The following ALK variants were observed in gnomAD, a reference collection of about 807,000 sequenced individuals.
ALK encodes the protein ALK receptor tyrosine kinase.
A neutral mutation model predicts 163.1 loss-of-function variants in ALK; 74 were observed. That is an observed-to-expected ratio of 0.45 (90% confidence interval 0.38 to 0.55). The LOEUF is 0.55. ALK is among the 20% of genes least tolerant of loss of function. ALK has a pLI of 0.00. For missense variants in ALK, 2,063 were observed against 2,105.3 expected, an observed-to-expected ratio of 0.98 and a Z score of 0.39; for synonymous variants, 960 against 843.2, an observed-to-expected ratio of 1.14 and a Z score of -2.40.
intron 1 of ALK, among the ~76,000 whole-genome samples, chr2:29,732,406 A>G (rs1021961131): frequency 2.0e-5 from 3 of 152,216 alleles, no homozygotes; most frequent in Admixed American, 6.5e-5. Flanking sequence ...CTATTGTCAC[A>G]AACTCCAGAA....
At chr2:29,666,851 C>A (rs1573539471) in intron 3 of ALK, among the ~76,000 whole-genome samples, 2 of 151,978 alleles carry the variant, frequency 1.3e-5, no homozygotes, top group East Asian at 3.9e-4. Context: ...CTTCTCCTAC[C>A]TTTCCCAGCC....
At chr2:29,747,978 A>G (rs895386965) in intron 1 of ALK, among the ~76,000 whole-genome samples, 3 of 152,220 alleles carry the variant, frequency 2.0e-5, no homozygotes, top group Admixed American at 6.5e-5. Flanking sequence ...CGAAAGAATG[A>G]GTCATGTGAA....
At chr2:29,642,085 A>G (rs1676719593) in intron 3 of ALK, among the ~76,000 whole-genome samples, 1 of 152,194 alleles carries the variant, frequency 6.6e-6, no homozygotes, top group Admixed American at 6.5e-5. Context: ...AGTCTAGGAC[A>G]CTGCTTTGCA....
intron 1 of ALK, among the ~76,000 whole-genome samples, chr2:29,855,686 TC>T (rs1666120563): frequency 6.6e-6 from 1 of 152,210 alleles, no homozygotes; most frequent in African/African-American, 2.4e-5. Flanking sequence ...ATGTCCCGGT[TC>T]TTGTGTTAGA....
At chr2:29,405,259 T>C (rs1405266954) in intron 4 of ALK, among the ~76,000 whole-genome samples, 1 of 152,114 alleles carries the variant, frequency 6.6e-6, no homozygotes, top group Non-Finnish European at 1.5e-5. Context: ...GAAGGGGTCA[T>C]TTGAACCTTT....
intron 9 of ALK, among the ~76,000 whole-genome samples, chr2:29,290,784 G>A (rs1360250449): frequency 6.6e-6 from 1 of 152,190 alleles, no homozygotes; most frequent in Non-Finnish European, 1.5e-5. Flanking sequence ...TGCTGGGGAG[G>A]AAACACATGG....
At chr2:29,388,855 A>G (rs1455106399) in intron 4 of ALK, among the ~76,000 whole-genome samples, 2 of 152,234 alleles carry the variant, frequency 1.3e-5, no homozygotes, top group Admixed American at 1.3e-4. Flanking sequence ...AAACTTGGTT[A>G]AATGCATCTT....
chr2:29,298,817 C>T (rs1028419872), intron 8 of ALK, among the ~76,000 whole-genome samples: 4 of 152,216 alleles, frequency 2.6e-5, no homozygotes, highest in Middle Eastern at 3.2e-3. Flanking sequence ...GCATCCTTCA[C>T]TGTCTTCCAC....
In ALK at chr2:29,812,398, G is replaced by A. The variant is rs866575961; in HGVS notation, c.668-94701C>T. Among the ~76,000 whole-genome samples, 4 of 152,192 alleles carry A rather than the reference G, an allele frequency of 2.6e-5. 1 individual carries two copies. Among genetic ancestry groups the A allele is most frequent in the South Asian group, 4.2e-4 (2 of 4,802 alleles). On this transcript the variant is annotated intron_variant, in intron 1 of 28. Coordinates refer to ENST00000389048, the MANE Select transcript of ALK (RefSeq NM_004304.5). The stretch of plus-strand genomic sequence containing the variant: ...TACCAACAAAAACTCACTCCATGGA[G>A]TCAGAAAGAGTTGTGTACAATTAGG...
At chr2:29,635,706 G>C (rs1017759678) in intron 3 of ALK, among the ~76,000 whole-genome samples, 1 of 151,816 alleles carries the variant, frequency 6.6e-6, no homozygotes, top group African/African-American at 2.4e-5. Context: ...AGGTTCAAGT[G>C]ATTCTCATGC....
chr2:29,715,791 T>C (rs1393070719), intron 2 of ALK, among the ~76,000 whole-genome samples: 1 of 152,244 alleles, frequency 6.6e-6, no homozygotes, highest in Non-Finnish European at 1.5e-5. Flanking sequence ...TATTTATAGA[T>C]ACTTGCCCTT....
intron 3 of ALK, among the ~76,000 whole-genome samples, chr2:29,668,057 T>C (rs1012943243): frequency 6.6e-6 from 1 of 152,136 alleles, no homozygotes; most frequent in African/African-American, 2.4e-5. Context: ...CTTTCAGATT[T>C]GCCAATTTGC....
Position 29,193,460 on chromosome 2 carries a change from G to T in ALK, c.4627C>A (p.Pro1543Thr), listed in dbSNP as rs771622065. The part of the protein sequence containing the change: ...LGLEGSCTVP[P>T]NVATGRLPGA... The stretch of plus-strand genomic sequence containing the variant: ...GGAAGTCTCCCAGTTGCAACGTTAG[G>T]TGGGACAGTACAGCTTCCCTCCAGC... Residue 1543 changes from proline (P) to threonine (T), a missense_variant, in exon 29 of 29, where the codon CCT (proline) becomes ACT (threonine). Pro to Thr is a conservative substitution (Grantham distance 38, BLOSUM62 -1). Transcript: ENST00000389048. 1 of 1,614,166 alleles carries T rather than the reference G, an allele frequency of 6.2e-7. No homozygotes were observed. The highest frequency in any genetic ancestry group is 8.5e-7 in the Non-Finnish European group (1 of 1,180,028).
chr2:29,396,500 C>T (rs1669306833), intron 4 of ALK, among the ~76,000 whole-genome samples: 1 of 152,068 alleles, frequency 6.6e-6, no homozygotes, highest in Non-Finnish European at 1.5e-5. Context: ...ATGGTGAAAC[C>T]CTGTCTCTAC....
intron 1 of ALK, among the ~76,000 whole-genome samples, chr2:29,768,402 A>G (rs1247918245): frequency 6.6e-6 from 1 of 152,248 alleles, no homozygotes; most frequent in Non-Finnish European, 1.5e-5. Context: ...CTTTCTTGGT[A>G]TAAAGCAAGA....
At chr2:29,219,498 G>A (rs913801569) in intron 23 of ALK, among the ~76,000 whole-genome samples, 8 of 152,244 alleles carry the variant, frequency 5.3e-5, no homozygotes, top group Middle Eastern at 3.4e-3. Flanking sequence ...TCCTGGGAGC[G>A]GGAGGGTGGC....
intron 5 of ALK, among the ~76,000 whole-genome samples, chr2:29,330,964 A>G (rs1475840138): frequency 1.3e-5 from 2 of 152,200 alleles, no homozygotes; most frequent in Non-Finnish European, 2.9e-5. Context: ...GAACAAATTC[A>G]TGTTGCTCTA....
chr2:29,260,849 C>A (rs147561944), intron 11 of ALK, among the ~76,000 whole-genome samples: 2 of 149,488 alleles, frequency 1.3e-5, no homozygotes, highest in Admixed American at 6.7e-5. Context: ...CAAAACAAAA[C>A]AAAAAAAAAA....
chr2:29,663,321 C>T (rs1294489349), intron 3 of ALK, among the ~76,000 whole-genome samples: 1 of 152,162 alleles, frequency 6.6e-6, no homozygotes, highest in Non-Finnish European at 1.5e-5. Context: ...TGGAGACACA[C>T]TCTTATTAAT....
Sources: gnomAD v4.1 joint callset for allele counts (sites outside exome capture counted in the v4.1 genomes callset) on GRCh38, gnomAD v4.1.1 for gene constraint, MANE v1.5 for transcripts, NCBI Gene and HGNC (gene_info 2026-07-23, HGNC 2026-07-21) for gene names.